Variants in TRHDE observed in about 807,000 individuals in gnomAD.
TRHDE encodes the protein thyrotropin releasing hormone degrading enzyme.
Under a neutral mutation model 125.7 loss-of-function variants are expected in TRHDE, and 72 were observed. That is an observed-to-expected ratio of 0.57 (90% CI 0.47 to 0.70). TRHDE has a LOEUF of 0.70. Among genes scored for constraint, TRHDE ranks in the 30% least tolerant of loss-of-function variants. TRHDE has a pLI of 0.00. For synonymous variants in TRHDE, 509 were observed against 509.1 expected (o/e 1.00, Z 0.00); for missense variants, 1,110 against 1,327.1 (o/e 0.84, Z 2.54).
chr12:72,493,160 A>C (rs905209853), intron 5 of TRHDE, among the ~76,000 whole-genome samples: 8 of 151,966 alleles, frequency 5.3e-5, no homozygotes, highest in Non-Finnish European at 2.9e-5. Flanking sequence ...GTTTGATTCC[A>C]AGGATTAAAA....
chr12:72,356,212 A>G (rs1870812595), intron 2 of TRHDE, among the ~76,000 whole-genome samples: 1 of 151,808 alleles, frequency 6.6e-6, no homozygotes, highest in African/African-American at 2.4e-5. Context: ...ACAGCCATAA[A>G]AACAATGAGA....
chr12:72,626,326 A>T (rs1358225226), intron 15 of TRHDE, among the ~76,000 whole-genome samples: 1 of 151,912 alleles, frequency 6.6e-6, no homozygotes, highest in Non-Finnish European at 1.5e-5. Context: ...TATAATACTT[A>T]ACCTTTGCAG....
intron 15 of TRHDE, among the ~76,000 whole-genome samples, chr12:72,648,103 A>G (rs892513957): frequency 6.6e-6 from 1 of 152,112 alleles, no homozygotes; most frequent in Non-Finnish European, 1.5e-5. Context: ...ACATACAAAA[A>G]TCAATTAATG....
chr12:72,432,346 A>T (rs1874527890), intron 3 of TRHDE, among the ~76,000 whole-genome samples: 1 of 152,158 alleles, frequency 6.6e-6, no homozygotes, highest in African/African-American at 2.4e-5. Flanking sequence ...GAGCCAACAC[A>T]ACCTGTAGCT....
At chr12:72,213,628 G>C (rs1329909171) in intron 2 of TRHDE, among the ~76,000 whole-genome samples, 1 of 152,086 alleles carries the variant, frequency 6.6e-6, no homozygotes, top group Non-Finnish European at 1.5e-5. Flanking sequence ...CACCTGCAAA[G>C]ATCAAACTGC....
At chr12:72,103,607 A>G (rs943781372) in intron 1 of TRHDE, among the ~76,000 whole-genome samples, 6 of 152,196 alleles carry the variant, frequency 3.9e-5, no homozygotes, top group Non-Finnish European at 5.9e-5. Flanking sequence ...GTGTTTCCAC[A>G]GTCCTCATTC....
chr12:72,440,782 T>G (rs923899303), intron 3 of TRHDE, among the ~76,000 whole-genome samples: 2 of 151,770 alleles, frequency 1.3e-5, no homozygotes, highest in African/African-American at 4.8e-5. Flanking sequence ...AACATCAGAG[T>G]AGATCGCACC....
chr12:72,258,689 T>C (rs1285347984), intron 2 of TRHDE, among the ~76,000 whole-genome samples: 1 of 152,148 alleles, frequency 6.6e-6, no homozygotes, highest in Non-Finnish European at 1.5e-5. Context: ...AAAGGTCCAG[T>C]TCAGGAGAAG....
At chr12:72,518,538 T>A (rs1296092137) in intron 6 of TRHDE, among the ~76,000 whole-genome samples, 1 of 152,188 alleles carries the variant, frequency 6.6e-6, no homozygotes, top group Non-Finnish European at 1.5e-5. Flanking sequence ...CCTGTGTGTG[T>A]CTCTGCATGT....
At chr12:72,524,664 G>A (rs1422946933) in intron 6 of TRHDE, among the ~76,000 whole-genome samples, 1 of 152,148 alleles carries the variant, frequency 6.6e-6, no homozygotes, top group Non-Finnish European at 1.5e-5. Context: ...GCCCATCTGT[G>A]TAAATAATCT....
intron 3 of TRHDE, among the ~76,000 whole-genome samples, chr12:72,462,344 T>C (rs1251277036): frequency 6.6e-6 from 1 of 152,054 alleles, no homozygotes; most frequent in Non-Finnish European, 1.5e-5. Flanking sequence ...TGCATCTGAG[T>C]GATACTTTGC....
At chr12:72,455,069 A>T (rs978179974) in intron 3 of TRHDE, among the ~76,000 whole-genome samples, 10 of 152,200 alleles carry the variant, frequency 6.6e-5, no homozygotes, top group Non-Finnish European at 1.5e-4. Flanking sequence ...GTAATATAGA[A>T]TAAGAAGGTC....
chr12:72,543,246 A>G (rs531177549), intron 7 of TRHDE, among the ~76,000 whole-genome samples: 1 of 151,646 alleles, frequency 6.6e-6, no homozygotes, highest in Admixed American at 6.6e-5. Context: ...AAATAAATTG[A>G]AAGATAAAAT....
At chr12:72,529,214 T>C (rs1592514958) in intron 6 of TRHDE, among the ~76,000 whole-genome samples, 1 of 152,164 alleles carries the variant, frequency 6.6e-6, no homozygotes. Context: ...TATAAGGTGT[T>C]GCAGGTTAGC....
intron 15 of TRHDE, 77 bp downstream of exon 15, chr12:72,621,828 C>T (rs548892121): frequency 8.6e-5 from 94 of 1,094,922 alleles, no homozygotes; most frequent in Non-Finnish European, 1.2e-4. Context: ...ATTTCATTTA[C>T]CAACTGGAGA....
chr12:72,210,373 T>A (rs537562549), intron 2 of TRHDE, among the ~76,000 whole-genome samples: 48 of 152,308 alleles, frequency 3.2e-4, no homozygotes, highest in African/African-American at 9.9e-4. Context: ...ATGTTCAATG[T>A]GTCTGCTATT....
chr12:72,279,639 C>A (rs939159050), intron 1 of TRHDE, among the ~76,000 whole-genome samples: 1 of 152,142 alleles, frequency 6.6e-6, no homozygotes, highest in African/African-American at 2.4e-5. Context: ...GATGCACAAA[C>A]AGGCACAGCT....
chr12:72,148,197 ACT>A, intron 2 of TRHDE, among the ~76,000 whole-genome samples: 1 of 152,124 alleles, frequency 6.6e-6, no homozygotes, highest in Non-Finnish European at 1.5e-5. Context: ...CTAGGAGATA[ACT>A]CTTTTATTTT....
chr12:72,555,527 A>G lies in TRHDE; in HGVS notation c.1789-6638A>G, dbSNP rs1246445527. Reference sequence around the variant, plus strand: ...CTTATCTAATAGAATTAAAATATAAACATTATTTTTTAATCTTTGCATAAA... The same window carrying G: ...CTTATCTAATAGAATTAAAATATAAGCATTATTTTTTAATCTTTGCATAAA... On this transcript the variant is annotated intron_variant, in intron 7 of 18. Coordinates refer to ENST00000261180, the MANE Select transcript of TRHDE (RefSeq NM_013381.3). Among the ~76,000 whole-genome samples the G allele has an allele frequency of 2.0e-5, 3 of 152,192 alleles. No individual in the cohort carries two copies. The East Asian group carries it at 5.8e-4, about 29-fold the overall frequency.
Sources: gnomAD v4.1 joint callset for allele counts (sites outside exome capture counted in the v4.1 genomes callset) on GRCh38, gnomAD v4.1.1 for gene constraint, MANE v1.5 for transcripts, NCBI Gene and HGNC (gene_info 2026-07-23, HGNC 2026-07-21) for gene names.